USH2A: variants seen among roughly 807,000 people sequenced by gnomAD.
The protein encoded by USH2A is Usher syndrome 2A (autosomal recessive, mild).
Under a neutral mutation model 538.9 loss-of-function variants are expected in USH2A, and 443 were observed. That is an observed-to-expected ratio of 0.82 (90% CI 0.76 to 0.89). The LOEUF is 0.89. USH2A is among the 40% of genes least tolerant of loss of function. USH2A has a pLI of 0.00. For synonymous variants in USH2A, 2,413 were observed against 2,273.5 expected (o/e 1.06, Z -1.75); for missense variants, 6,633 against 6,324.8 (o/e 1.05, Z -1.65).
chr1:216,133,863 CT>C (rs1278218071), intron 21 of USH2A, among the ~76,000 whole-genome samples: 1 of 151,948 alleles, frequency 6.6e-6, no homozygotes, highest in African/African-American at 2.4e-5. Flanking sequence ...ATCTCTTTTC[CT>C]TTTTTAGTAA....
intron 8 of USH2A, 48 bp downstream of exon 8, chr1:216,323,426 C>T (rs2037657055): frequency 6.3e-7 from 1 of 1,580,598 alleles, no homozygotes; most frequent in Non-Finnish European, 8.7e-7. Context: ...GCTGTTAAGA[C>T]AGTAAGTATG....
chr1:216,203,718 AG>A (rs1199730662), intron 16 of USH2A, among the ~76,000 whole-genome samples: 1 of 152,232 alleles, frequency 6.6e-6, no homozygotes, highest in Non-Finnish European at 1.5e-5. Flanking sequence ...ATAATTTTAA[AG>A]ATGGAAATGA....
intron 43 of USH2A, among the ~76,000 whole-genome samples, chr1:215,871,232 T>C (rs1162107033): frequency 2.0e-5 from 3 of 152,196 alleles, no homozygotes; most frequent in African/African-American, 7.2e-5. Context: ...ATGGTAATTT[T>C]CCTCATAAAA....
intron 32 of USH2A, among the ~76,000 whole-genome samples, chr1:216,039,344 G>C (rs1183134712): frequency 6.6e-6 from 1 of 151,924 alleles, no homozygotes; most frequent in Non-Finnish European, 1.5e-5. Flanking sequence ...TGTCCTTAAA[G>C]TTTCTCAGAC....
chr1:216,243,931 T>C (rs1472380254), intron 13 of USH2A, among the ~76,000 whole-genome samples: 1 of 152,234 alleles, frequency 6.6e-6, no homozygotes, highest in Non-Finnish European at 1.5e-5. Flanking sequence ...TTATTATTTC[T>C]TGAACATAAA....
intron 43 of USH2A, among the ~76,000 whole-genome samples, chr1:215,875,896 T>C (rs1664751776): frequency 7.2e-6 from 1 of 138,562 alleles, no homozygotes. Flanking sequence ...TTATATATAA[T>C]AATCAATATA....
intron 35 of USH2A, among the ~76,000 whole-genome samples, chr1:215,980,030 C>T (rs1471488644): frequency 6.6e-6 from 1 of 152,142 alleles, no homozygotes; most frequent in East Asian, 1.9e-4. Flanking sequence ...ATTAAAGATA[C>T]ATGGAATCTC....
At chr1:216,302,221 G>A (rs1327501890) in intron 9 of USH2A, among the ~76,000 whole-genome samples, 4 of 152,180 alleles carry the variant, frequency 2.6e-5, no homozygotes, top group African/African-American at 4.8e-5. Flanking sequence ...CATGGGAGGT[G>A]ATCATATATA....
At chr1:215,960,795 A>T (rs1667178156) in intron 37 of USH2A, among the ~76,000 whole-genome samples, 1 of 152,084 alleles carries the variant, frequency 6.6e-6, no homozygotes. Flanking sequence ...TAGTTTTTCC[A>T]TATTCAGTTT....
Position 216,356,861 on chromosome 1 carries a change from G to A in USH2A, c.784+8092C>T, listed in dbSNP as rs557875265. 9.7e-4 allele frequency among the ~76,000 whole-genome samples: 147 copies of A among 152,156 alleles called. 1 individual carries two copies. The highest frequency in any genetic ancestry group is 3.3e-3 in the African/African-American group (136 of 41,542). On this transcript the variant is annotated intron_variant, in intron 4 of 71. Transcript: ENST00000307340. ...AGAAATCTTGGATTAAGTAGTTTTC[G>A]CATTTTTACTTTTGATAGTTTGCCA... is the stretch of plus-strand genomic sequence containing the variant.
intron 11 of USH2A, among the ~76,000 whole-genome samples, chr1:216,255,291 C>T (rs182281331): frequency 9.2e-4 from 140 of 152,236 alleles, no homozygotes; most frequent in African/African-American, 3.3e-3. Context: ...TTGGGTCTTC[C>T]CTTCTTTTGC....
At chr1:215,742,948 G>A (rs1571640890) in intron 59 of USH2A, among the ~76,000 whole-genome samples, 1 of 151,980 alleles carries the variant, frequency 6.6e-6, no homozygotes. Flanking sequence ...ACAAGACTTT[G>A]CAAAACCACC....
intron 38 of USH2A, among the ~76,000 whole-genome samples, chr1:215,908,332 T>A (rs893725296): frequency 6.6e-6 from 1 of 151,960 alleles, no homozygotes; most frequent in Non-Finnish European, 1.5e-5. Flanking sequence ...TTTTTATTTA[T>A]CTTTGTAAAC....
At chr1:216,277,210 T>C (rs550745071) in intron 11 of USH2A, among the ~76,000 whole-genome samples, 89 of 152,294 alleles carry the variant, frequency 5.8e-4, no homozygotes, top group African/African-American at 2.1e-3. Context: ...ATGCTCTTTA[T>C]GCTTAATTGC....
At chr1:216,406,504 G>A (rs575677562) in intron 3 of USH2A, among the ~76,000 whole-genome samples, 1 of 152,224 alleles carries the variant, frequency 6.6e-6, no homozygotes, top group East Asian at 1.9e-4. Flanking sequence ...CCTCAATAAA[G>A]TGGTTTTAAA....
intron 32 of USH2A, among the ~76,000 whole-genome samples, chr1:216,033,954 A>C (rs1348351562): frequency 6.6e-6 from 1 of 152,208 alleles, no homozygotes; most frequent in African/African-American, 2.4e-5. Context: ...TCCCAAAGAT[A>C]AAAAACTCAG....
intron 47 of USH2A, among the ~76,000 whole-genome samples, chr1:215,833,657 C>A (rs143907016): frequency 1.1e-3 from 165 of 151,974 alleles, no homozygotes; most frequent in African/African-American, 4.0e-3. Context: ...AGATAAAATA[C>A]CAGATGCACA....
At chr1:215,927,472 T>C (rs1441010727) in intron 38 of USH2A, among the ~76,000 whole-genome samples, 1 of 152,118 alleles carries the variant, frequency 6.6e-6, no homozygotes, top group East Asian at 1.9e-4. Flanking sequence ...TAGATAAATA[T>C]ATTTATGTGT....
At chr1:215,997,999 T>G (rs1668177218) in intron 34 of USH2A, among the ~76,000 whole-genome samples, 1 of 152,084 alleles carries the variant, frequency 6.6e-6, no homozygotes, top group South Asian at 2.1e-4. Context: ...TATTTTCTCA[T>G]GGTATAATAT....
Sources: allele counts gnomAD v4.1 joint callset (sites outside exome capture counted in the v4.1 genomes callset), GRCh38; gene constraint gnomAD v4.1.1; transcripts MANE v1.5; gene names NCBI Gene and HGNC (gene_info 2026-07-23, HGNC 2026-07-21).